KIRREL2: variants seen among roughly 807,000 people sequenced by gnomAD.
KIRREL2 encodes kirre like nephrin family adhesion molecule 2.
KIRREL2 carries 56 observed loss-of-function variants against 73.4 expected under a neutral mutation model. The observed-to-expected ratio is 0.76, with a 90% CI of 0.62 to 0.95. The LOEUF is 0.95. Among genes scored for constraint, KIRREL2 ranks in the 40% least tolerant of loss-of-function variants. The probability of loss-of-function intolerance (pLI) is 0.00; values close to 1 mark genes in which losing one functional copy is unlikely to be tolerated. For synonymous variants in KIRREL2, 407 were observed against 404.0 expected (o/e 1.01, Z -0.09); for missense variants, 896 against 935.0 (o/e 0.96, Z 0.54).
rs773480178 is a variant in KIRREL2 at position 35,864,680 on chromosome 19, G to T, written c.1758G>T (p.Leu586=). The change falls in exon 14 of 15, where the codon CTG becomes CTT. Residue 586 remains leucine, a synonymous_variant. Coordinates refer to ENST00000360202, the MANE Select transcript of KIRREL2 (RefSeq NM_199180.4). ...TTGTGCACACTGACCACAGTGATCT[G>T]GTTCTGGAGGAGGAAGGGACTCTGG... ...GPIVHTDHSD[L]VLEEEGTLET... 6.2e-7 allele frequency: 1 copy of T among 1,613,166 alleles called. No individual in the cohort carries two copies. The highest frequency in any genetic ancestry group is 2.2e-5 in the East Asian group (1 of 44,868).
intron 8 of KIRREL2, 39 bp from the exon 9 acceptor site, chr19:35,861,083 C>T: frequency 6.2e-7 from 1 of 1,606,102 alleles, no homozygotes; most frequent in Non-Finnish European, 8.5e-7. Flanking sequence ...ACCAGGCTTC[C>T]TTACAAATCC....
chr19:35,853,528 G>A (rs758227237), upstream of KIRREL2, among the ~76,000 whole-genome samples: 34 of 152,038 alleles, frequency 2.2e-4, no homozygotes, highest in Middle Eastern at 6.8e-3. Context: ...TTTTGAGATG[G>A]AATCTTGCTC....
chr19:35,862,265 C>T (rs1226775041), intron 11 of KIRREL2, among the ~76,000 whole-genome samples: 1 of 152,192 alleles, frequency 6.6e-6, no homozygotes, highest in Non-Finnish European at 1.5e-5. Context: ...AAGGGAAACT[C>T]CAATGATTGC....
chr19:35,862,039 C>A lies in KIRREL2; in HGVS notation c.1510+15C>A, dbSNP rs535673621. 7.1e-5 allele frequency: 113 copies of A among 1,593,800 alleles called. No individual in the cohort carries two copies. The highest frequency in any genetic ancestry group is 2.8e-4 in the South Asian group (25 of 88,304). ...GGGCCGTAGAGGTGAGACCCCAGCC[C>A]GAAGACCCCAAATCTGGAGAGTCTA... On this transcript the variant is annotated intron_variant, in intron 11 of 14. Transcript: ENST00000360202.
intron 13 of KIRREL2, among the ~76,000 whole-genome samples, chr19:35,863,329 T>G (rs1395449938): frequency 1.3e-5 from 2 of 151,942 alleles, no homozygotes; most frequent in African/African-American, 4.8e-5. Context: ...GACACTGAGG[T>G]GGGAGGATCC....
chr19:35,854,814 C>T (rs1323165475), upstream of KIRREL2, among the ~76,000 whole-genome samples: 1 of 152,110 alleles, frequency 6.6e-6, no homozygotes. Context: ...ACACCAGGAG[C>T]TCCATAAATA....
chr19:35,860,316 G>A lies in KIRREL2; in HGVS notation c.693G>A (p.Leu231=), dbSNP rs374457243. The A allele has an allele frequency of 1.2e-6, 2 of 1,613,930 alleles. No individual in the cohort carries two copies. The highest frequency in any genetic ancestry group is 1.7e-6 in the Non-Finnish European group (2 of 1,180,014). The change falls in exon 6 of 15, where the codon CTG becomes CTA. Residue 231 remains leucine (L), a synonymous_variant. Coordinates refer to ENST00000360202, the MANE Select transcript of KIRREL2 (RefSeq NM_199180.4). ...LSLQYPPEVT[L]SASPHTVQEG... is the part of the protein sequence containing the mutation. Reference sequence around the variant, plus strand: ...TCACAGACCCCCCAGAGGTGACTCTGTCTGCTTCGCCACACACTGTGCAGG... The same window carrying A: ...TCACAGACCCCCCAGAGGTGACTCTATCTGCTTCGCCACACACTGTGCAGG...
chr19:35,861,263 G>A lies in KIRREL2; in HGVS notation c.1189+9G>A. On this transcript the variant is annotated intron_variant, in intron 9 of 14. Transcript: ENST00000360202. The stretch of plus-strand genomic sequence containing the variant: ...TCGGCTGACTGTGAACGGTGAGAAG[G>A]CGGGGCTTCCTAGGGGACCTGGCCC... The A allele has an allele frequency of 6.6e-7, 1 of 1,524,064 alleles. No homozygotes were observed. Among genetic ancestry groups the A allele is most frequent in the Non-Finnish European group, 8.7e-7 (1 of 1,146,902 alleles). 94.4% of individuals were successfully genotyped at this position (1,524,064 alleles called of 1,614,324 possible).
intron 2 of KIRREL2, among the ~76,000 whole-genome samples, chr19:35,858,198 G>T (rs1317681788): frequency 6.6e-6 from 1 of 151,360 alleles, no homozygotes; most frequent in Non-Finnish European, 1.5e-5. Flanking sequence ...TCATTTTCTT[G>T]CTTTCCTTCC....
rs760076357 is a variant in KIRREL2, at chr19:35,866,231, T to C, written c.1866T>C (p.Gly622=). 8.0e-5 allele frequency: 129 copies of C among 1,610,266 alleles called. No individual in the cohort carries two copies. The highest frequency in any genetic ancestry group is 1.1e-4 in the Non-Finnish European group (126 of 1,177,432). Reference sequence around the variant, plus strand: ...GCCTTGGCGAAGCCCCTGGAGGAGGTCTCTTCCTGCCACCACCCTCCCCCC... The same window carrying C: ...GCCTTGGCGAAGCCCCTGGAGGAGGCCTCTTCCTGCCACCACCCTCCCCCC... ...SLSLGEAPGG[G]LFLPPPSPLG... The change falls in exon 15 of 15, where the codon GGT becomes GGC. Residue 622 remains glycine (G), a synonymous_variant. Transcript: ENST00000360202.
At chr19:35,854,660 C>T (rs1210966157), upstream of KIRREL2, among the ~76,000 whole-genome samples, 1 of 152,116 alleles carries the variant, frequency 6.6e-6, no homozygotes, top group Non-Finnish European at 1.5e-5. Context: ...GTTTGAGACT[C>T]TCTCGCTCTC....
At chr19:35,856,208 G>C (rs542040048), upstream of KIRREL2, among the ~76,000 whole-genome samples, 1 of 152,290 alleles carries the variant, frequency 6.6e-6, no homozygotes, top group Non-Finnish European at 1.5e-5. The surrounding 1 kb of genome is among the most constrained non-coding windows in gnomAD (Gnocchi z 5.9). Context: ...CAAGCTGCGC[G>C]GTTCCCAGCC....
At chr19:35,857,527 G>T (rs1404066982) in intron 2 of KIRREL2, 33 bp downstream of exon 2, 1 of 1,509,038 alleles carries the variant, frequency 6.6e-7, no homozygotes, top group South Asian at 1.3e-5. Context: ...GGGACGGGCT[G>T]GCTAGGGGGA....
chr19:35,856,875 C>G, upstream of KIRREL2: 1 of 570,198 alleles, frequency 1.8e-6, no homozygotes. The surrounding 1 kb of genome is among the most constrained non-coding windows in gnomAD (Gnocchi z 5.9). Context: ...CGGACCCGGG[C>G]GGGGCGAGCG....
At position 35,866,603 on chromosome 19, in the gene KIRREL2, A is replaced by C; in HGVS notation, c.*111A>C. 1 of 1,446,530 alleles carries C rather than the reference A, an allele frequency of 6.9e-7. No individual in the cohort carries two copies. Among genetic ancestry groups the C allele is most frequent in the Non-Finnish European group, 9.6e-7 (1 of 1,043,056 alleles). The allele number at this position is 1,446,530 out of a possible 1,614,324, so 89.6% of individuals were successfully genotyped here. ...CCTTACTCCTCCAAAACTGAACACAAGGGGAGGGAAAGATCATTACATTTG... is the reference window on the plus strand; with the variant it reads ...CCTTACTCCTCCAAAACTGAACACACGGGGAGGGAAAGATCATTACATTTG... On this transcript the variant is annotated 3_prime_UTR_variant, in exon 15 of 15. Coordinates refer to ENST00000360202, the MANE Select transcript of KIRREL2 (RefSeq NM_199180.4).
At position 35,867,013 on chromosome 19, in the gene KIRREL2, T is replaced by C. The variant is rs1265275389; in HGVS notation, c.*521T>C. On this transcript the variant is annotated 3_prime_UTR_variant, in exon 15 of 15. Coordinates refer to ENST00000360202, the MANE Select transcript of KIRREL2 (RefSeq NM_199180.4). Reference sequence around the variant, plus strand: ...GATGGCCACCATCTTGATTTTACTTTCCTTAAAGACTCAGAAAGACTTGGA... The same window carrying C: ...GATGGCCACCATCTTGATTTTACTTCCCTTAAAGACTCAGAAAGACTTGGA... 6.3e-6 allele frequency: 1 copy of C among 158,376 alleles called. No homozygotes were observed. Among genetic ancestry groups the C allele is most frequent in the Admixed American group, 6.5e-5 (1 of 15,322 alleles). 9.8% of individuals were successfully genotyped at this position (158,376 alleles called of 1,614,324 possible). A position where few individuals can be genotyped will look rare whatever the true frequency, so the allele number is the denominator to read the frequency against.
At position 35,861,797 on chromosome 19, in the gene KIRREL2, GC is replaced by G. The variant is rs764765485; in HGVS notation, c.1291-3del. 6.3e-7 allele frequency: 1 copy of G among 1,586,972 alleles called. No individual in the cohort carries two copies. Among genetic ancestry groups the G allele is most frequent in the East Asian group, 2.3e-5 (1 of 43,592 alleles). ...CTCCTCCGTGTCCTCCCTCTTTTGTGCCCCCAGGTCTGGTCTTGGGATGAGG... is the reference window on the plus strand; with the variant it reads ...CTCCTCCGTGTCCTCCCTCTTTTGTGCCCCAGGTCTGGTCTTGGGATGAGG... On this transcript the variant is annotated splice_polypyrimidine_tract_variant and splice_region_variant and intron_variant, in intron 10 of 14. Coordinates refer to ENST00000360202, the MANE Select transcript of KIRREL2 (RefSeq NM_199180.4).
chr19:35,858,535 A>G lies in KIRREL2; in HGVS notation c.339A>G (p.Arg113=). Residue 113 remains arginine, a synonymous_variant, in exon 3 of 15, where the codon AGA becomes AGG. Coordinates refer to ENST00000360202, the MANE Select transcript of KIRREL2 (RefSeq NM_199180.4). ...CTACACAAGCAGGCCTCCGCTCCAG[A>G]CCAGCCCAACTGCACGTGCTGGGTA... ...CQATQAGLRS[R]PAQLHVLVPP... 1 of 1,614,152 alleles carries G rather than the reference A, an allele frequency of 6.2e-7. No homozygotes were observed. The highest frequency in any genetic ancestry group is 1.1e-5 in the South Asian group (1 of 91,080).
At chr19:35,856,180 T>G (rs1036598696), upstream of KIRREL2, among the ~76,000 whole-genome samples, 2 of 152,182 alleles carry the variant, frequency 1.3e-5, no homozygotes, top group Non-Finnish European at 2.9e-5. This position sits in a 1 kb window ranked among gnomAD's most constrained non-coding sequence, Gnocchi z 5.9. Flanking sequence ...CCAGCTGGGC[T>G]GCATGGAGCC....
Sources: allele counts gnomAD v4.1 joint callset (sites outside exome capture counted in the v4.1 genomes callset), GRCh38; gene constraint gnomAD v4.1.1; non-coding constraint Gnocchi (gnomAD v3.1); transcripts MANE v1.5; gene names NCBI Gene and HGNC (gene_info 2026-07-23, HGNC 2026-07-21).